Variants in ATP13A2 observed in about 807,000 individuals in gnomAD.
ATP13A2 encodes the protein polyamine-transporting ATPase 13A2.
In ATP13A2, 83 loss-of-function variants were observed where a neutral mutation model predicts 138.3. The observed-to-expected ratio is 0.60, with a 90% CI of 0.50 to 0.72. The LOEUF (loss-of-function observed/expected upper bound fraction) is 0.72. Ranked by LOEUF, ATP13A2 falls within the 30% of genes least tolerant of loss-of-function variation. ATP13A2 has a pLI of 0.00. For synonymous variants in ATP13A2, 663 were observed against 699.0 expected, an observed-to-expected ratio of 0.95 and a Z score of 0.81; for missense variants, 1,402 against 1,606.4, an observed-to-expected ratio of 0.87 and a Z score of 2.17.
rs1268137822 is a variant in ATP13A2 at position 16,986,352 on chromosome 1, G to T, written c.3412C>A (p.Leu1138Ile). The T allele has an allele frequency of 6.3e-7, 1 of 1,578,398 alleles. No homozygotes were observed. The highest frequency in any genetic ancestry group is 1.1e-5 in the South Asian group (1 of 87,654). The change falls in exon 29 of 29, where the codon CTA becomes ATA. Residue 1138 changes from leucine to isoleucine, a missense_variant. Coordinates refer to ENST00000326735, the MANE Select transcript of ATP13A2 (RefSeq NM_022089.4). This position sits in a 1 kb window ranked among gnomAD's most constrained non-coding sequence, Gnocchi z 6.9. Reference sequence around the variant, plus strand: ...AGGCAGGCGGGGAGGCACTGGTCTAGCACGCTCTGCAAAGGGCAGGGAGGG... The same window carrying T: ...AGGCAGGCGGGGAGGCACTGGTCTATCACGCTCTGCAAAGGGCAGGGAGGG... ...FVGAFMLESV[L>I]DQCLPACLRR...
At position 16,987,218 on chromosome 1, in the gene ATP13A2, T is replaced by A. The variant is rs1420376337; in HGVS notation, c.2911A>T (p.Thr971Ser). ...CTCATGAGCACTGCCACTGTGGTGGTGATGACCAGGTCGATGGCCAGGAAC... is the reference window on the plus strand; with the variant it reads ...CTCATGAGCACTGCCACTGTGGTGGAGATGACCAGGTCGATGGCCAGGAAC... ...LQFLAIDLVITTTVAVLMSRT... is the reference protein window; with the variant it reads ...LQFLAIDLVISTTVAVLMSRT... The change falls in exon 26 of 29, where the codon ACC becomes TCC. Residue 971 changes from threonine to serine, a missense_variant. Transcript: ENST00000326735. 28 of 1,613,776 alleles carry A rather than the reference T, an allele frequency of 1.7e-5. No individual in the cohort carries two copies. The highest frequency in any genetic ancestry group is 2.4e-5 in the Non-Finnish European group (28 of 1,179,842).
At chr1:16,988,278 C>A (rs752015774) in intron 24 of ATP13A2, 44 bp from the exon 25 acceptor site, 3 of 1,614,058 alleles carry the variant, frequency 1.9e-6, no homozygotes, top group African/African-American at 2.7e-5. Flanking sequence ...GGTTGGCTGA[C>A]CAGCCCTGCT....
At chr1:17,007,553 T>C (rs2077605323) in intron 1 of ATP13A2, among the ~76,000 whole-genome samples, 1 of 141,958 alleles carries the variant, frequency 7.0e-6, no homozygotes, top group Non-Finnish European at 1.5e-5. Context: ...ATTTTTCCTT[T>C]TTTTTTTTTT....
rs373005131 is a variant in ATP13A2 at position 16,993,833 on chromosome 1, C to T, written c.1545G>A (p.Thr515=). The T allele has an allele frequency of 7.9e-5, 123 of 1,553,018 alleles. No individual in the cohort carries two copies. Among genetic ancestry groups the T allele is most frequent in the Non-Finnish European group, 9.6e-5 (110 of 1,148,706 alleles). The change falls in exon 16 of 29, where the codon ACG becomes ACA. Residue 515 remains threonine, a splice_region_variant and synonymous_variant. Transcript: ENST00000326735. ...GKLQLVCFDK[T]GTLTEDGLDV... ...CTAAGCCGTCCTCAGTGAGGGTGCC[C>T]GTCTGTGGGAGACAGGTGGGTGGGG...
At position 16,996,372 on chromosome 1, in the gene ATP13A2, AG is replaced by A; in HGVS notation, c.1306+13del. 6.2e-7 allele frequency: 1 copy of A among 1,613,246 alleles called. No individual in the cohort carries two copies. The highest frequency in any genetic ancestry group is 1.7e-4 in the Middle Eastern group (1 of 6,060). ...GGGGGCTATGGGCAGAGGAGGGTGC[AG>A]GGGGCCACTCACCCAGGACAGAGAG... On this transcript the variant is annotated intron_variant, in intron 13 of 28. Transcript: ENST00000326735.
rs373479398 is a variant in ATP13A2, at chr1:16,996,206, C to T, written c.1354-42G>A. ...TGAATGTGAGCACCTGGCTGGTTGG[C>T]CCCTGGGCCCTGCTGGCAGCACCCC... On this transcript the variant is annotated intron_variant, in intron 14 of 28. Transcript: ENST00000326735. 1.4e-4 allele frequency: 233 copies of T among 1,614,024 alleles called. 1 individual carries two copies. Among genetic ancestry groups the T allele is most frequent in the Non-Finnish European group, 1.2e-4 (142 of 1,180,032 alleles).
chr1:17,010,832 C>T (rs2077757701), intron 1 of ATP13A2, among the ~76,000 whole-genome samples: 1 of 152,148 alleles, frequency 6.6e-6, no homozygotes, highest in Non-Finnish European at 1.5e-5. Flanking sequence ...GCCTTGGCTT[C>T]CTGCTGGTGA....
chr1:16,993,560 G>GA (rs2077009222), intron 16 of ATP13A2, 69 bp downstream of exon 16: 1 of 1,418,794 alleles, frequency 7.0e-7, no homozygotes, highest in Admixed American at 2.2e-5. Context: ...GATGGAGAGG[G>GA]AAGACAGGGT....
chr1:17,002,464 G>GC (rs1429015039), intron 6 of ATP13A2, 91 bp from the exon 7 acceptor site: 20 of 1,442,466 alleles, frequency 1.4e-5, no homozygotes, highest in Admixed American at 3.9e-5. Context: ...TGGGCTCTAG[G>GC]CCCCCCATCC....
Position 16,986,366 on chromosome 1 carries a change from G to T in ATP13A2, c.3406-8C>A. The T allele has an allele frequency of 6.3e-7, 1 of 1,583,570 alleles. No individual in the cohort carries two copies. On this transcript the variant is annotated splice_polypyrimidine_tract_variant and splice_region_variant and intron_variant, in intron 28 of 28. Transcript: ENST00000326735. This position sits in a 1 kb window ranked among gnomAD's most constrained non-coding sequence, Gnocchi z 6.9. ...GCACTGGTCTAGCACGCTCTGCAAA[G>T]GGCAGGGAGGGTGTCAGGGGCAGCC...
chr1:16,999,909 AC>A (rs1234457410), intron 11 of ATP13A2, 101 bp downstream of exon 11: 24 of 1,441,740 alleles, frequency 1.7e-5, no homozygotes, highest in Non-Finnish European at 2.1e-5. Flanking sequence ...TCACAAAAAA[AC>A]AAAAAAGGAA....
intron 1 of ATP13A2, among the ~76,000 whole-genome samples, chr1:17,006,981 C>G (rs897692138): frequency 6.6e-6 from 1 of 152,046 alleles, no homozygotes; most frequent in African/African-American, 2.4e-5. Flanking sequence ...ACCTCTGCCT[C>G]CCAGGTTCAA....
In ATP13A2 at chr1:16,994,675, T is replaced by A. The variant is rs114890131; in HGVS notation, c.1543-840A>T. On this transcript the variant is annotated intron_variant, in intron 15 of 28. Transcript: ENST00000326735. ...ATCCCCCTCCCCGGTTTATTTATTT[T>A]TTTTTGAGACGGAGTCTCACTCTGT... Among the ~76,000 whole-genome samples, 1,393 of 151,818 alleles carry A rather than the reference T, an allele frequency of 9.2e-3. 23 individuals are homozygous for A. Among genetic ancestry groups the A allele is most frequent in the African/African-American group, 0.032 (1,329 of 41,384 alleles).
At chr1:16,997,419 G>GC (rs982585877) in intron 11 of ATP13A2, among the ~76,000 whole-genome samples, 1 of 143,396 alleles carries the variant, frequency 7.0e-6, no homozygotes, top group Non-Finnish European at 1.5e-5. Flanking sequence ...ACCAGCGGGG[G>GC]GGGGTGGGTC....
At position 16,986,099 on chromosome 1, in the gene ATP13A2, A is replaced by T; in HGVS notation, c.*122T>A. 6.4e-7 allele frequency: 1 copy of T among 1,564,854 alleles called. No individual in the cohort carries two copies. Among genetic ancestry groups the T allele is most frequent in the South Asian group, 1.2e-5 (1 of 84,892 alleles). On this transcript the variant is annotated 3_prime_UTR_variant, in exon 29 of 29. Transcript: ENST00000326735. This position sits in a 1 kb window ranked among gnomAD's most constrained non-coding sequence, Gnocchi z 6.9. ...AGGGTGGGGGTGGTCTCGGGGGAGGAGTGTAGACAGTCGCCAACCTCAGGG... is the reference window on the plus strand; with the variant it reads ...AGGGTGGGGGTGGTCTCGGGGGAGGTGTGTAGACAGTCGCCAACCTCAGGG...
rs912183101 is a variant in ATP13A2 at position 17,002,384 on chromosome 1, G to T, written c.558-11C>A. 1.2e-6 allele frequency: 2 copies of T among 1,611,814 alleles called. No individual in the cohort carries two copies. Among genetic ancestry groups the T allele is most frequent in the Non-Finnish European group, 1.7e-6 (2 of 1,179,384 alleles). ...CCATGGTCCAGGAGGCTGGGGGTGG[G>T]TGCGAGGGGACACGCATGGGCCATG... On this transcript the variant is annotated splice_polypyrimidine_tract_variant and intron_variant, in intron 6 of 28. Coordinates refer to ENST00000326735, the MANE Select transcript of ATP13A2 (RefSeq NM_022089.4).
At chr1:16,987,800 G>A (rs1255124490) in intron 25 of ATP13A2, among the ~76,000 whole-genome samples, 1 of 152,350 alleles carries the variant, frequency 6.6e-6, no homozygotes, top group South Asian at 2.1e-4. Context: ...CTGGGGAAAT[G>A]GGCAGACCTG....
chr1:16,989,604 A>G, intron 23 of ATP13A2, 87 bp downstream of exon 23: 2 of 1,313,212 alleles, frequency 1.5e-6, no homozygotes, highest in Non-Finnish European at 2.2e-6. Flanking sequence ...GGAGGGAGAC[A>G]GGGCCCTGGG....
Position 17,011,453 on chromosome 1 carries a change from C to T in ATP13A2, c.10+276G>A, listed in dbSNP as rs116110826. ...CCCCAGGACCCTCTTGCACAAGCGC[C>T]CGGCTTCCAATCCCGCGGCTGAGGG... On this transcript the variant is annotated intron_variant, in intron 1 of 28. Transcript: ENST00000326735. The surrounding 1 kb of genome is among the most constrained non-coding windows in gnomAD (Gnocchi z 7.3). Among the ~76,000 whole-genome samples, 1,242 of 152,268 alleles carry T rather than the reference C, an allele frequency of 8.2e-3. 17 individuals are homozygous for T. Among genetic ancestry groups the T allele is most frequent in the African/African-American group, 0.029 (1,197 of 41,572 alleles).
Sources: allele counts gnomAD v4.1 joint callset (sites outside exome capture counted in the v4.1 genomes callset), GRCh38; gene constraint gnomAD v4.1.1; non-coding constraint Gnocchi (gnomAD v3.1); transcripts MANE v1.5; gene names NCBI Gene and HGNC (gene_info 2026-07-23, HGNC 2026-07-21).